The following DRC11 variants were observed in gnomAD, a reference collection of about 807,000 sequenced individuals.
The protein encoded by DRC11 is dynein regulatory complex subunit 11, also known as IQ and AAA domain-containing protein 1.
the DRC11 span, among the ~76,000 whole-genome samples, chr2:236,485,070 A>G: frequency 6.6e-6 from 1 of 152,122 alleles, no homozygotes; most frequent in South Asian, 2.1e-4. Flanking sequence ...TGTTTTATTA[A>G]GGTTTCTTCT....
the DRC11 span, among the ~76,000 whole-genome samples, chr2:236,357,640 G>GCAAA: frequency 3.6e-5 from 3 of 82,824 alleles, no homozygotes; most frequent in African/African-American, 1.7e-4. Flanking sequence ...CATATAATAT[G>GCAAA]TAAATATATA....
the DRC11 span, among the ~76,000 whole-genome samples, chr2:236,384,968 T>C: frequency 2.0e-5 from 3 of 152,106 alleles, no homozygotes; most frequent in African/African-American, 7.2e-5. Context: ...ATCAGATAGT[T>C]GTAGATATTT....
the DRC11 span, among the ~76,000 whole-genome samples, chr2:236,334,474 C>T: frequency 6.6e-6 from 1 of 152,020 alleles, no homozygotes; most frequent in Non-Finnish European, 1.5e-5. The surrounding 1 kb of genome is among the most constrained non-coding windows in gnomAD (Gnocchi z 7.8). Context: ...GGCTAGGGGC[C>T]CCAGAGTGTT....
the DRC11 span, among the ~76,000 whole-genome samples, chr2:236,325,748 G>A: frequency 6.6e-6 from 1 of 152,016 alleles, no homozygotes; most frequent in Non-Finnish European, 1.5e-5. The surrounding 1 kb of genome is among the most constrained non-coding windows in gnomAD (Gnocchi z 4.4). Context: ...GATTACAGGC[G>A]TGCGCCACCA....
At chr2:236,489,573 T>TG in the DRC11 span, among the ~76,000 whole-genome samples, 4 of 151,962 alleles carry the variant, frequency 2.6e-5, no homozygotes, top group South Asian at 2.1e-4. Flanking sequence ...TGGCCTGGCT[T>TG]GGGGGGTGTC....
the DRC11 span, chr2:236,409,227 C>A: frequency 9.1e-6 from 2 of 220,902 alleles, no homozygotes; most frequent in African/African-American, 4.7e-5. Flanking sequence ...GCTTCAGCTG[C>A]CTGAGTAGCT....
the DRC11 span, chr2:236,497,047 T>C: frequency 2.4e-6 from 2 of 824,746 alleles, no homozygotes; most frequent in Non-Finnish European, 1.9e-6. This position sits in a 1 kb window ranked among gnomAD's most constrained non-coding sequence, Gnocchi z 5.1. Context: ...AGATTTTCCG[T>C]ACACCAACTA....
At chr2:236,357,008 TC>T in the DRC11 span, among the ~76,000 whole-genome samples, 68 of 133,230 alleles carry the variant, frequency 5.1e-4, 4 homozygotes, top group Non-Finnish European at 6.5e-4. Context: ...ATTTATATAT[TC>T]ATATATTATA....
chr2:236,357,285 TTTATATA>T, the DRC11 span, among the ~76,000 whole-genome samples: 2 of 113,404 alleles, frequency 1.8e-5, no homozygotes, highest in African/African-American at 7.3e-5. Flanking sequence ...ATATTATATA[TTTATATA>T]TTATATATTC....
At chr2:236,378,876 G>A in the DRC11 span, among the ~76,000 whole-genome samples, 4 of 152,056 alleles carry the variant, frequency 2.6e-5, no homozygotes, top group African/African-American at 4.8e-5. Context: ...CTGCTTCTTC[G>A]GCAGCAGTCA....
chr2:236,491,106 G>GTA, the DRC11 span, among the ~76,000 whole-genome samples: 6 of 116,830 alleles, frequency 5.1e-5, no homozygotes, highest in African/African-American at 2.0e-4. Flanking sequence ...GTGTGTGTGT[G>GTA]TATATATATA....
chr2:236,450,420 A>G, the DRC11 span, among the ~76,000 whole-genome samples: 1 of 147,864 alleles, frequency 6.8e-6, no homozygotes, highest in African/African-American at 2.5e-5. Context: ...CCGGGGTTCA[A>G]GTGATTCTCG....
chr2:236,433,114 C>T, the DRC11 span, among the ~76,000 whole-genome samples: 1 of 151,920 alleles, frequency 6.6e-6, no homozygotes, highest in Non-Finnish European at 1.5e-5. Context: ...CATTGATGTG[C>T]CTTTTTAGTC....
chr2:236,307,804 C>T, the DRC11 span, among the ~76,000 whole-genome samples: 2 of 152,190 alleles, frequency 1.3e-5, no homozygotes, highest in Admixed American at 1.3e-4. The surrounding 1 kb of genome is among the most constrained non-coding windows in gnomAD (Gnocchi z 7.0). Context: ...TCAGCTTTTC[C>T]CTGACAATAG....
chr2:236,357,700 A>G, the DRC11 span, among the ~76,000 whole-genome samples: 444 of 113,254 alleles, frequency 3.9e-3, 9 homozygotes, highest in African/African-American at 0.015. Context: ...TAAATATCTG[A>G]TATGTAAATA....
At chr2:236,488,136 G>A in the DRC11 span, 6 of 1,609,512 alleles carry the variant, frequency 3.7e-6, no homozygotes, top group Non-Finnish European at 4.2e-6. Context: ...TGCCCTCTCA[G>A]CAATCTGGAT....
the DRC11 span, among the ~76,000 whole-genome samples, chr2:236,406,987 C>T: frequency 2.6e-5 from 4 of 152,242 alleles, no homozygotes; most frequent in East Asian, 1.9e-4. This position sits in a 1 kb window ranked among gnomAD's most constrained non-coding sequence, Gnocchi z 4.7. Context: ...CCTCGTGATC[C>T]GCCTGCCTCG....
chr2:236,343,226 G>T, the DRC11 span, among the ~76,000 whole-genome samples: 2 of 152,000 alleles, frequency 1.3e-5, no homozygotes, highest in African/African-American at 2.4e-5. This position sits in a 1 kb window ranked among gnomAD's most constrained non-coding sequence, Gnocchi z 6.6. Flanking sequence ...TCTCTCAGAG[G>T]CCCCCTCTCA....
At chr2:236,429,034 A>G in the DRC11 span, among the ~76,000 whole-genome samples, 1 of 152,234 alleles carries the variant, frequency 6.6e-6, no homozygotes, top group South Asian at 2.1e-4. This position sits in a 1 kb window ranked among gnomAD's most constrained non-coding sequence, Gnocchi z 5.9. Flanking sequence ...AATTTCAAGA[A>G]GTAGTCACCT....
Sources: allele counts gnomAD v4.1 joint callset (sites outside exome capture counted in the v4.1 genomes callset), GRCh38; gene constraint gnomAD v4.1.1; non-coding constraint Gnocchi (gnomAD v3.1); transcripts MANE v1.5; gene names NCBI Gene and HGNC (gene_info 2026-07-23, HGNC 2026-07-21).